The following GRID1 variants were observed in gnomAD, a reference collection of about 807,000 sequenced individuals.
The protein encoded by GRID1 is glutamate receptor ionotropic, delta-1.
Under a neutral mutation model 98.0 loss-of-function variants are expected in GRID1, and 28 were observed. The observed-to-expected ratio is 0.29, with a 90% CI of 0.21 to 0.39. The LOEUF (loss-of-function observed/expected upper bound fraction) is 0.39, where lower values mean the gene tolerates loss of function less well. Ranked by LOEUF, GRID1 falls within the 10% of genes least tolerant of loss-of-function variation. The probability of loss-of-function intolerance (pLI) is 1.00; values close to 1 mark genes in which losing one functional copy is unlikely to be tolerated. For missense variants in GRID1, 1,111 were observed against 1,340.5 expected (o/e 0.83, Z 2.67); for synonymous variants, 553 against 538.5 (o/e 1.03, Z -0.37).
At position 86,145,542 on chromosome 10, in the gene GRID1, C is replaced by CCACACACACACACACA. The variant is rs1564689355; in HGVS notation, c.521-6519_521-6518insTGTGTGTGTGTGTGTG. Among the ~76,000 whole-genome samples the CCACACACACACACACA allele has an allele frequency of 2.0e-5, 3 of 148,438 alleles. No individual in the cohort carries two copies. In the East Asian group the frequency reaches 5.9e-4, roughly 29 times the overall value. ...CTCTTTGCCCACTCCTGGACATCCT[C>CCACACACACACACACA]CACATACACACACACACACACACAC... On this transcript the variant is annotated intron_variant, in intron 3 of 15. Transcript: ENST00000327946.
At chr10:86,340,113 G>C (rs545337230) in intron 2 of GRID1, among the ~76,000 whole-genome samples, 1 of 152,226 alleles carries the variant, frequency 6.6e-6, no homozygotes, top group South Asian at 2.1e-4. Context: ...CCTTGCAGCA[G>C]TTGGGAGGCT....
chr10:86,266,470 C>T (rs1462326843), intron 2 of GRID1, among the ~76,000 whole-genome samples: 3 of 152,248 alleles, frequency 2.0e-5, no homozygotes, highest in Non-Finnish European at 2.9e-5. Context: ...CCAGGCTCTG[C>T]ACCTGTCCCC....
intron 8 of GRID1, among the ~76,000 whole-genome samples, chr10:85,774,090 G>T (rs1842302919): frequency 6.6e-6 from 1 of 152,198 alleles, no homozygotes. Context: ...CAAGGCTACA[G>T]TCACCAAAAC....
At chr10:86,029,634 T>C (rs1393915432) in intron 4 of GRID1, among the ~76,000 whole-genome samples, 1 of 152,126 alleles carries the variant, frequency 6.6e-6, no homozygotes, top group Non-Finnish European at 1.5e-5. Flanking sequence ...TAAATCCTAG[T>C]CACATTAATT....
At position 86,294,578 on chromosome 10, in the gene GRID1, C is replaced by G. The variant is rs538239869; in HGVS notation, c.235+69363G>C. Among the ~76,000 whole-genome samples, 3 of 152,228 alleles carry G rather than the reference C, an allele frequency of 2.0e-5. No individual in the cohort carries two copies. In the South Asian group the frequency reaches 6.2e-4, roughly 32 times the overall value. On this transcript the variant is annotated intron_variant, in intron 2 of 15. Transcript: ENST00000327946. The stretch of plus-strand genomic sequence containing the variant: ...TGCAGGGGACCCCAAGGCACTGGAC[C>G]TGAGCACTGGAGGGAGGGCAGATGG...
At chr10:85,703,938 C>G (rs913612094) in intron 12 of GRID1, among the ~76,000 whole-genome samples, 1 of 152,088 alleles carries the variant, frequency 6.6e-6, no homozygotes, top group Non-Finnish European at 1.5e-5. Flanking sequence ...GTGACAAAAT[C>G]TCTCAGCATT....
intron 4 of GRID1, among the ~76,000 whole-genome samples, chr10:85,982,344 G>T (rs556509033): frequency 6.6e-6 from 1 of 152,148 alleles, no homozygotes; most frequent in Admixed American, 6.5e-5. Context: ...AAAAACTTTG[G>T]ATTTTATTTT....
At chr10:85,749,534 A>G (rs1842026973) in intron 8 of GRID1, among the ~76,000 whole-genome samples, 1 of 152,194 alleles carries the variant, frequency 6.6e-6, no homozygotes, top group Admixed American at 6.5e-5. Context: ...CATTCCAGAA[A>G]CATAAATCAT....
intron 2 of GRID1, among the ~76,000 whole-genome samples, chr10:86,272,009 A>T (rs1031453685): frequency 6.6e-6 from 1 of 152,162 alleles, no homozygotes; most frequent in African/African-American, 2.4e-5. Context: ...ATCAAGATAA[A>T]GAGAAAATCT....
At chr10:85,686,072 T>C (rs1042083702) in intron 12 of GRID1, among the ~76,000 whole-genome samples, 7 of 152,122 alleles carry the variant, frequency 4.6e-5, no homozygotes, top group African/African-American at 7.2e-5. Context: ...TGATTTTCAA[T>C]ACATATAAAA....
chr10:86,191,896 C>A (rs759192267), intron 3 of GRID1, among the ~76,000 whole-genome samples: 5 of 152,118 alleles, frequency 3.3e-5, no homozygotes, highest in East Asian at 1.9e-4. Flanking sequence ...CCTGATGGCA[C>A]CCCTGCTGAT....
chr10:85,647,381 A>G lies in GRID1; in HGVS notation c.2014T>C (p.Ser672Pro), dbSNP rs1445581712. The change falls in exon 13 of 16, where the codon TCC becomes CCC. Residue 672 changes from serine to proline, a missense_variant. Physicochemically the swap from Ser to Pro is moderately conservative, Grantham distance 74. This residue lies in a region of GRID1 where 762 missense variants were observed against 869.1 expected (regional missense o/e 0.88). Transcript: ENST00000327946. ...CCATAAGACATTTCCACTTGTTTGG[A>G]CAGGTCCTGGAAAGTCCTGAAATGC... ...DNPIRTFQDLSKQVEMSYGTV... is the reference protein window; with the variant it reads ...DNPIRTFQDLPKQVEMSYGTV... 3 of 1,614,132 alleles carry G rather than the reference A, an allele frequency of 1.9e-6. No individual in the cohort carries two copies. The highest frequency in any genetic ancestry group is 2.5e-6 in the Non-Finnish European group (3 of 1,179,950).
At chr10:85,715,816 G>T (rs1017855354) in intron 12 of GRID1, among the ~76,000 whole-genome samples, 1 of 152,124 alleles carries the variant, frequency 6.6e-6, no homozygotes, top group African/African-American at 2.4e-5. Context: ...CAGAGCCAAA[G>T]AAGATGAAAT....
At chr10:86,246,937 A>T (rs1846739011) in intron 2 of GRID1, among the ~76,000 whole-genome samples, 1 of 152,242 alleles carries the variant, frequency 6.6e-6, no homozygotes, top group East Asian at 1.9e-4. Context: ...TCCTTGGATC[A>T]CTAAATATGG....
At position 86,188,626 on chromosome 10, in the gene GRID1, G is replaced by A. The variant is rs535643300; in HGVS notation, c.520+17738C>T. On this transcript the variant is annotated intron_variant, in intron 3 of 15. Coordinates refer to ENST00000327946, the MANE Select transcript of GRID1 (RefSeq NM_017551.3). ...CATTTACAGCACCTCCCTCTCTCTC[G>A]GGGCCCGAGCAGGTTGGCAGGGCTG... 2.7e-4 allele frequency among the ~76,000 whole-genome samples: 41 copies of A among 152,298 alleles called. 1 individual carries two copies. Among genetic ancestry groups the A allele is most frequent in the South Asian group, 1.9e-3 (9 of 4,822 alleles).
intron 2 of GRID1, among the ~76,000 whole-genome samples, chr10:86,224,742 G>A (rs542250891): frequency 6.6e-6 from 1 of 152,254 alleles, no homozygotes; most frequent in East Asian, 1.9e-4. Context: ...ACTAAAATAA[G>A]CTCAGCCATT....
At chr10:85,663,110 T>C (rs1840984086) in intron 12 of GRID1, among the ~76,000 whole-genome samples, 1 of 152,184 alleles carries the variant, frequency 6.6e-6, no homozygotes, top group African/African-American at 2.4e-5. Context: ...ATTTCCCCTG[T>C]GATGGGTTGG....
At chr10:85,931,331 T>C (rs954128385) in intron 4 of GRID1, among the ~76,000 whole-genome samples, 1 of 152,208 alleles carries the variant, frequency 6.6e-6, no homozygotes, top group Non-Finnish European at 1.5e-5. Context: ...GACTTTTTAA[T>C]CTGGAGACAC....
intron 8 of GRID1, among the ~76,000 whole-genome samples, chr10:85,817,379 A>T (rs1182119802): frequency 6.6e-6 from 1 of 151,984 alleles, no homozygotes; most frequent in Non-Finnish European, 1.5e-5. Context: ...ATACAAAATT[A>T]GCCCAGCATG....
Sources: allele counts gnomAD v4.1 joint callset (sites outside exome capture counted in the v4.1 genomes callset), GRCh38; gene constraint gnomAD v4.1.1; regional missense constraint gnomAD v4.1.1; transcripts MANE v1.5; gene names NCBI Gene and HGNC (gene_info 2026-07-23, HGNC 2026-07-21).